The following ZNF654 variants were observed in gnomAD, a reference collection of about 807,000 sequenced individuals.
ZNF654 encodes zinc finger protein 654.
Under a neutral mutation model 95.3 loss-of-function variants are expected in ZNF654, and 19 were observed. The ratio of observed to expected loss-of-function variants is 0.20; its 90% CI spans 0.14 to 0.29. The LOEUF is 0.29. Ranked by LOEUF, ZNF654 falls within the 10% of genes least tolerant of loss-of-function variation. ZNF654 has a pLI of 1.00. For synonymous variants in ZNF654, 413 were observed against 457.9 expected, an observed-to-expected ratio of 0.90 and a Z score of 1.25; for missense variants, 1,046 against 1,341.0, an observed-to-expected ratio of 0.78 and a Z score of 3.44.
chr3:88,123,011 CA>C (rs1289535548), intron 3 of ZNF654, among the ~76,000 whole-genome samples: 4,822 of 75,986 alleles, frequency 0.063, 190 homozygotes, highest in African/African-American at 0.18. Flanking sequence ...CTCTGAGTCT[CA>C]AAAAAAAAAA....
At chr3:88,096,567 A>AT (rs533852768) in intron 2 of ZNF654, among the ~76,000 whole-genome samples, 1 of 152,126 alleles carries the variant, frequency 6.6e-6, no homozygotes, top group South Asian at 2.1e-4. Flanking sequence ...TAGATTGGCA[A>AT]TTTTTTTCTT....
chr3:88,126,114 A>T lies in ZNF654; in HGVS notation c.415-20A>T, dbSNP rs1706085824. On this transcript the variant is annotated intron_variant, in intron 3 of 8. Coordinates refer to ENST00000636215, the MANE Select transcript of ZNF654 (RefSeq NM_001350134.2). Reference sequence around the variant, plus strand: ...TAACCCCTTTAAATTCACAGAGCCAAAATGATTTTTCTCTCCTAGGAATGC... The same window carrying T: ...TAACCCCTTTAAATTCACAGAGCCATAATGATTTTTCTCTCCTAGGAATGC... 1.4e-6 allele frequency: 2 copies of T among 1,461,146 alleles called. No homozygotes were observed. Among genetic ancestry groups the T allele is most frequent in the African/African-American group, 2.8e-5 (2 of 70,740 alleles). 90.5% of individuals were successfully genotyped at this position (1,461,146 alleles called of 1,614,324 possible).
At chr3:88,124,556 T>C (rs536887229) in intron 3 of ZNF654, among the ~76,000 whole-genome samples, 19 of 152,358 alleles carry the variant, frequency 1.2e-4, no homozygotes, top group African/African-American at 4.6e-4. Context: ...CAGCAAATTA[T>C]GAAAGAATAT....
At chr3:88,103,841 A>C (rs1704577900) in intron 2 of ZNF654, among the ~76,000 whole-genome samples, 1 of 137,420 alleles carries the variant, frequency 7.3e-6, no homozygotes, top group South Asian at 2.2e-4. Context: ...ATCTTGGCTC[A>C]CTGCAACCTC....
intron 2 of ZNF654, among the ~76,000 whole-genome samples, chr3:88,108,829 G>GA (rs548207936): frequency 0.072 from 10,314 of 143,794 alleles, 456 homozygotes; most frequent in Non-Finnish European, 0.11. Flanking sequence ...CTCAACTTCA[G>GA]AAAAAAAAAA....
rs1197363443 is a variant in ZNF654, at chr3:88,129,981, G to C, written c.893+155G>C. Among the ~76,000 whole-genome samples the C allele has an allele frequency of 2.6e-5, 4 of 152,162 alleles. No homozygotes were observed. The East Asian group carries it at 7.7e-4, about 29-fold the overall frequency. On this transcript the variant is annotated intron_variant, in intron 6 of 8. Coordinates refer to ENST00000636215, the MANE Select transcript of ZNF654 (RefSeq NM_001350134.2). ...GAACAATAGTAGATTCTAAGAACTA[G>C]AGACTTTAAAAAGAAATGATAATGT... is the stretch of plus-strand genomic sequence containing the variant.
rs200263940 is a variant in ZNF654 at position 88,140,014 on chromosome 3, T to C, written c.2345T>C (p.Met782Thr). 2.2e-5 allele frequency: 36 copies of C among 1,613,746 alleles called. No homozygotes were observed. Among genetic ancestry groups the C allele is most frequent in the Non-Finnish European group, 2.9e-5 (34 of 1,179,794 alleles). ...GATTTAAATGTGCGACAAACAGTAA[T>C]GAAGTGGAGCAAAGGAAAATGCAAA... ...PTDLNVRQTV[M>T]KWSKGKCKFC... Residue 782 changes from methionine to threonine, a missense_variant, in exon 8 of 9, where the codon ATG (methionine) becomes ACG (threonine). By Grantham distance (81) the Met-to-Thr change is moderately conservative. Transcript: ENST00000636215.
At chr3:88,121,697 T>G (rs1705777801) in intron 3 of ZNF654, among the ~76,000 whole-genome samples, 2 of 152,228 alleles carry the variant, frequency 1.3e-5, no homozygotes, top group African/African-American at 4.8e-5. Context: ...ATAAGATTTA[T>G]GATTATTCTC....
intron 1 of ZNF654, among the ~76,000 whole-genome samples, chr3:88,065,182 C>T (rs1413343252): frequency 1.3e-5 from 2 of 151,988 alleles, no homozygotes; most frequent in Admixed American, 1.3e-4. Flanking sequence ...AGGTGAATTC[C>T]CTGGAAAGAC....
chr3:88,106,234 A>G (rs1360522007), intron 2 of ZNF654, among the ~76,000 whole-genome samples: 3 of 152,214 alleles, frequency 2.0e-5, no homozygotes, highest in Non-Finnish European at 2.9e-5. Context: ...TGATATGTCA[A>G]TCCTACTTTC....
chr3:88,082,002 C>G (rs1168728410), intron 1 of ZNF654, among the ~76,000 whole-genome samples: 1 of 152,144 alleles, frequency 6.6e-6, no homozygotes, highest in Non-Finnish European at 1.5e-5. Context: ...AGAAAATTAG[C>G]AAACTTATCA....
intron 3 of ZNF654, among the ~76,000 whole-genome samples, chr3:88,121,877 G>T (rs13063511): frequency 6.6e-6 from 1 of 151,980 alleles, no homozygotes. Context: ...TCTTCATTTC[G>T]TTCAGACTCC....
chr3:88,059,451 C>A lies in ZNF654; in HGVS notation c.132C>A (p.Asn44Lys). ...GCAGAGGCGGCGCTGGCAGCGGCAA[C>A]TGCGGCGGCGGCGTCGGAATCAGCA... ...GDGRGGAGSG[N>K]CGGGVGISSR... The change falls in exon 1 of 9, where the codon AAC (asparagine) becomes AAA (lysine). Residue 44 changes from asparagine to lysine, a missense_variant. Around this residue, in one of 9 missense-constraint regions of ZNF654, gnomAD observed 89 missense variants for 77.9 expected, o/e 1.14. Coordinates refer to ENST00000636215, the MANE Select transcript of ZNF654 (RefSeq NM_001350134.2). 1 of 1,523,736 alleles carries A rather than the reference C, an allele frequency of 6.6e-7. No individual in the cohort carries two copies. The highest frequency in any genetic ancestry group is 8.8e-7 in the Non-Finnish European group (1 of 1,142,780). 94.4% of individuals were successfully genotyped at this position (1,523,736 alleles called of 1,614,324 possible). A position where few individuals can be genotyped will look rare whatever the true frequency, so the allele number is the denominator to read the frequency against.
chr3:88,100,263 C>T (rs1293299772), intron 2 of ZNF654, among the ~76,000 whole-genome samples: 1 of 152,108 alleles, frequency 6.6e-6, no homozygotes, highest in African/African-American at 2.4e-5. Flanking sequence ...CAAATCAAAA[C>T]CACAATGAGA....
At chr3:88,115,701 T>C (rs561555228) in intron 3 of ZNF654, among the ~76,000 whole-genome samples, 2 of 152,350 alleles carry the variant, frequency 1.3e-5, no homozygotes, top group South Asian at 4.1e-4. Context: ...AACTTCATTC[T>C]TAGAGCCAAA....
In ZNF654 at chr3:88,143,020, G is replaced by C. The variant is rs554462967; in HGVS notation, c.*1368G>C. ...AAAACAGGGATTAAAATAACAAAAAGGCAGTGTTTCAAAACAGATCTCCTA... is the reference window on the plus strand; with the variant it reads ...AAAACAGGGATTAAAATAACAAAAACGCAGTGTTTCAAAACAGATCTCCTA... On this transcript the variant is annotated 3_prime_UTR_variant, in exon 9 of 9. Coordinates refer to ENST00000636215, the MANE Select transcript of ZNF654 (RefSeq NM_001350134.2). 3 of 152,260 alleles carry C rather than the reference G, an allele frequency of 2.0e-5. No individual in the cohort carries two copies. The South Asian group carries it at 6.2e-4, about 32-fold the overall frequency. 9.4% of individuals were successfully genotyped at this position (152,260 alleles called of 1,614,324 possible). A position where few individuals can be genotyped will look rare whatever the true frequency, so the allele number is the denominator to read the frequency against.
At chr3:88,113,605 T>G (rs1705221097) in intron 3 of ZNF654, among the ~76,000 whole-genome samples, 1 of 152,076 alleles carries the variant, frequency 6.6e-6, no homozygotes, top group Admixed American at 6.6e-5. Context: ...TTTTTTATTT[T>G]TGGGCACCTG....
Position 88,135,190 on chromosome 3 carries a change from C to A in ZNF654, c.1023C>A (p.Ile341=). 1 of 1,485,292 alleles carries A rather than the reference C, an allele frequency of 6.7e-7. No individual in the cohort carries two copies. The highest frequency in any genetic ancestry group is 8.9e-7 in the Non-Finnish European group (1 of 1,124,680). 92.0% of individuals were successfully genotyped at this position (1,485,292 alleles called of 1,614,324 possible). The part of the protein sequence containing the change: ...NVRVIFPFMK[I]IKDEVEEEGL... The stretch of plus-strand genomic sequence containing the variant: ...GAGTCATATTTCCTTTCATGAAAAT[C>A]ATCAAAGATGAGGTAAATAGGATAT... Residue 341 remains isoleucine, a synonymous_variant, in exon 7 of 9, where the codon ATC becomes ATA. Coordinates refer to ENST00000636215, the MANE Select transcript of ZNF654 (RefSeq NM_001350134.2).
chr3:88,065,094 C>T (rs1386865345), intron 1 of ZNF654, among the ~76,000 whole-genome samples: 2 of 152,112 alleles, frequency 1.3e-5, no homozygotes, highest in Non-Finnish European at 2.9e-5. Context: ...TTTTATTTCT[C>T]AATTGCAAAT....
Sources: gnomAD v4.1 joint callset for allele counts (sites outside exome capture counted in the v4.1 genomes callset) on GRCh38, gnomAD v4.1.1 for gene constraint, gnomAD v4.1.1 regional missense constraint, MANE v1.5 for transcripts, NCBI Gene and HGNC (gene_info 2026-07-23, HGNC 2026-07-21) for gene names.